The following GABRB1 variants were observed in gnomAD, a reference collection of about 807,000 sequenced individuals.
GABRB1 encodes the protein gamma-aminobutyric acid type A receptor subunit beta1, also known as gamma-aminobutyric acid receptor subunit beta-1.
GABRB1 carries 17 observed loss-of-function variants against 51.6 expected under a neutral mutation model. The ratio of observed to expected loss-of-function variants is 0.33; its 90% CI spans 0.23 to 0.49. The LOEUF is 0.49. Ranked by LOEUF, GABRB1 falls within the 20% of genes least tolerant of loss-of-function variation. GABRB1 has a pLI of 0.99. For synonymous variants in GABRB1, 247 were observed against 218.9 expected, an observed-to-expected ratio of 1.13 and a Z score of -1.14; for missense variants, 410 against 600.6, an observed-to-expected ratio of 0.68 and a Z score of 3.32.
intron 3 of GABRB1, among the ~76,000 whole-genome samples, chr4:47,137,705 C>T (rs1287750611): frequency 1.3e-5 from 2 of 152,096 alleles, no homozygotes; most frequent in African/African-American, 4.8e-5. Context: ...TGCTTATCAA[C>T]TCTTCTTACT....
At chr4:47,331,872 T>A (rs1191562920) in intron 5 of GABRB1, among the ~76,000 whole-genome samples, 2 of 152,202 alleles carry the variant, frequency 1.3e-5, no homozygotes, top group Admixed American at 1.3e-4. Flanking sequence ...CTGTAGAGGT[T>A]TGAATGAGAT....
intron 4 of GABRB1, among the ~76,000 whole-genome samples, chr4:47,251,695 G>C (rs534638870): frequency 6.6e-6 from 1 of 152,112 alleles, no homozygotes; most frequent in Admixed American, 6.5e-5. Flanking sequence ...CAACAGAAAG[G>C]CCAGGTCAAT....
At chr4:47,052,743 TC>T (rs1389484839) in intron 3 of GABRB1, among the ~76,000 whole-genome samples, 1 of 152,166 alleles carries the variant, frequency 6.6e-6, no homozygotes, top group African/African-American at 2.4e-5. Context: ...CTCATTTTCC[TC>T]CCCGACTGTA....
At chr4:47,157,039 A>G (rs1717738171) in intron 3 of GABRB1, among the ~76,000 whole-genome samples, 1 of 152,110 alleles carries the variant, frequency 6.6e-6, no homozygotes, top group Non-Finnish European at 1.5e-5. Context: ...GGTATTGTCT[A>G]TCTTGCCTTT....
At chr4:47,283,829 G>A (rs368868346) in intron 4 of GABRB1, among the ~76,000 whole-genome samples, 1 of 152,144 alleles carries the variant, frequency 6.6e-6, no homozygotes, top group African/African-American at 2.4e-5. Context: ...CGATGACCAT[G>A]AATTTGTGGT....
chr4:47,247,743 AG>A (rs1469662183), intron 4 of GABRB1, among the ~76,000 whole-genome samples: 7 of 151,992 alleles, frequency 4.6e-5, no homozygotes, highest in Non-Finnish European at 8.8e-5. Context: ...CTCCTTGGTT[AG>A]GTATATTCCT....
intron 1 of GABRB1, among the ~76,000 whole-genome samples, chr4:47,021,080 C>A (rs1724917120): frequency 2.0e-5 from 3 of 152,144 alleles, no homozygotes; most frequent in Admixed American, 1.3e-4. Flanking sequence ...TCTTCCTTAA[C>A]CACTCTTTCT....
chr4:47,327,370 GAAA>G (rs142491475), intron 5 of GABRB1, among the ~76,000 whole-genome samples: 1 of 145,696 alleles, frequency 6.9e-6, no homozygotes, highest in African/African-American at 2.5e-5. Context: ...AAGAAAAAAA[GAAA>G]AAAAAAACTA....
Position 47,368,632 on chromosome 4 carries a change from G to A in GABRB1, c.545-34686G>A, listed in dbSNP as rs551789259. ...GAGCCAGGCCCAAGCTCCCAGCACC[G>A]TGGATTCTGATAGCCAGTGTTGTTT... On this transcript the variant is annotated intron_variant, in intron 5 of 8. Transcript: ENST00000295454. 1.1e-4 allele frequency among the ~76,000 whole-genome samples: 16 copies of A among 152,250 alleles called. No homozygotes were observed. The East Asian group carries it at 2.1e-3, about 20-fold the overall frequency.
chr4:47,286,889 C>T (rs1373075250), intron 4 of GABRB1, among the ~76,000 whole-genome samples: 1 of 152,116 alleles, frequency 6.6e-6, no homozygotes, highest in African/African-American at 2.4e-5. Context: ...AACTATGATG[C>T]CCCCAAACAT....
At chr4:47,309,746 G>A (rs934907989) in intron 4 of GABRB1, among the ~76,000 whole-genome samples, 20 of 152,104 alleles carry the variant, frequency 1.3e-4, no homozygotes, top group African/African-American at 4.6e-4. Flanking sequence ...AAGAAGAAAA[G>A]AAATTAATAA....
intron 3 of GABRB1, among the ~76,000 whole-genome samples, chr4:47,070,684 C>T (rs1315590943): frequency 6.6e-6 from 1 of 152,154 alleles, no homozygotes; most frequent in African/African-American, 2.4e-5. Flanking sequence ...AATACTACTA[C>T]ATCTAGGTTT....
intron 4 of GABRB1, among the ~76,000 whole-genome samples, chr4:47,192,822 T>C (rs1560578975): frequency 2.0e-5 from 3 of 152,190 alleles, no homozygotes; most frequent in Non-Finnish European, 4.4e-5. Flanking sequence ...AAGAATGAAG[T>C]TCTAAGGCAC....
intron 8 of GABRB1, among the ~76,000 whole-genome samples, chr4:47,409,222 A>G (rs1728679600): frequency 6.6e-6 from 1 of 152,152 alleles, no homozygotes. Flanking sequence ...TAGCTCTGCC[A>G]TCTGCAGACA....
At position 47,403,598 on chromosome 4, in the gene GABRB1, G is replaced by T. The variant is rs1728473550; in HGVS notation, c.722G>T (p.Arg241Ile). ...PRLSLSFRLK[R>I]NIGYFILQTY... is the part of the protein sequence containing the mutation. ...CTGTCACTAAGTTTTCGTCTAAAGA[G>T]AAACATTGGTTACTTCATTTTGCAA... The change falls in exon 7 of 9, where the codon AGA becomes ATA. Residue 241 changes from arginine to isoleucine, a missense_variant. Physicochemically the swap from Arg to Ile is moderately conservative, Grantham distance 97. This residue lies in a region of GABRB1 where 37 missense variants were observed against 126.3 expected (regional missense o/e 0.29). Coordinates refer to ENST00000295454, the MANE Select transcript of GABRB1 (RefSeq NM_000812.4). 1 of 1,613,880 alleles carries T rather than the reference G, an allele frequency of 6.2e-7. No homozygotes were observed. The highest frequency in any genetic ancestry group is 1.7e-5 in the Admixed American group (1 of 59,994).
chr4:47,299,310 A>G (rs1436947824), intron 4 of GABRB1, among the ~76,000 whole-genome samples: 9 of 152,050 alleles, frequency 5.9e-5, no homozygotes, highest in East Asian at 1.9e-4. Flanking sequence ...GCAACCTACA[A>G]AATGGGAGAA....
intron 4 of GABRB1, among the ~76,000 whole-genome samples, chr4:47,239,525 G>T (rs1299480756): frequency 6.6e-6 from 1 of 152,142 alleles, no homozygotes; most frequent in Non-Finnish European, 1.5e-5. Context: ...TTGGCAACGG[G>T]CCCCATCATT....
At chr4:47,195,156 T>A (rs900700274) in intron 4 of GABRB1, among the ~76,000 whole-genome samples, 1 of 152,044 alleles carries the variant, frequency 6.6e-6, no homozygotes, top group Non-Finnish European at 1.5e-5. Context: ...CACGAGGTCA[T>A]GAAATCGAGA....
At chr4:47,189,782 C>G (rs1420622518) in intron 4 of GABRB1, among the ~76,000 whole-genome samples, 2 of 151,876 alleles carry the variant, frequency 1.3e-5, no homozygotes, top group Middle Eastern at 3.2e-3. Flanking sequence ...CTTTCTTTCC[C>G]CAGAAACTAA....
Sources: gnomAD v4.1 joint callset for allele counts (sites outside exome capture counted in the v4.1 genomes callset) on GRCh38, gnomAD v4.1.1 for gene constraint, gnomAD v4.1.1 regional missense constraint, MANE v1.5 for transcripts, NCBI Gene and HGNC (gene_info 2026-07-23, HGNC 2026-07-21) for gene names.